SGMS2: variants seen among roughly 807,000 people sequenced by gnomAD.
SGMS2 encodes the protein sphingomyelin synthase 2.
In SGMS2, 21 loss-of-function variants were observed where a neutral mutation model predicts 43.8. That is an observed-to-expected ratio of 0.48 (90% CI 0.34 to 0.69). The LOEUF (loss-of-function observed/expected upper bound fraction) is 0.69. SGMS2 is among the 30% of genes least tolerant of loss of function. The pLI, the probability that SGMS2 is intolerant of heterozygous loss-of-function variation, is 0.01. For synonymous variants in SGMS2, 167 were observed against 160.6 expected (o/e 1.04, Z -0.30); for missense variants, 384 against 443.2 (o/e 0.87, Z 1.20).
chr4:107,903,165 C>T, intron 4 of SGMS2, 68 bp from the exon 5 acceptor site: 1 of 1,481,220 alleles, frequency 6.8e-7, no homozygotes, highest in Non-Finnish European at 9.4e-7. Context: ...CTAAGAGTCA[C>T]ACAATTAGAC....
intron 1 of SGMS2, among the ~76,000 whole-genome samples, chr4:107,850,877 T>A (rs916953883): frequency 1.3e-5 from 2 of 152,178 alleles, no homozygotes; most frequent in Non-Finnish European, 2.9e-5. Flanking sequence ...TTATTTTCCT[T>A]TATGTTGCTC....
At chr4:107,850,433 T>A (rs1727073251) in intron 1 of SGMS2, among the ~76,000 whole-genome samples, 1 of 152,206 alleles carries the variant, frequency 6.6e-6, no homozygotes, top group Non-Finnish European at 1.5e-5. Context: ...TTTGGAAAGA[T>A]AAGAATTATT....
chr4:107,889,618 G>A (rs978852208), intron 2 of SGMS2, among the ~76,000 whole-genome samples: 1 of 152,026 alleles, frequency 6.6e-6, no homozygotes, highest in Admixed American at 6.6e-5. Context: ...GCATAGACAT[G>A]TTAGGCATGC....
intron 2 of SGMS2, among the ~76,000 whole-genome samples, chr4:107,877,972 G>A (rs1291712535): frequency 7.1e-6 from 1 of 140,762 alleles, no homozygotes; most frequent in Non-Finnish European, 1.5e-5. Flanking sequence ...CTGGAGGGCA[G>A]TGGTGCAATC....
upstream of SGMS2, chr4:107,824,755 C>A (rs1725469203): frequency 3.3e-5 from 5 of 152,238 alleles, no homozygotes; most frequent in Admixed American, 2.6e-4. Flanking sequence ...AGGAGAGCCA[C>A]GGCAGCAGGA....
At chr4:107,891,457 C>G (rs974023097) in intron 2 of SGMS2, among the ~76,000 whole-genome samples, 1 of 151,910 alleles carries the variant, frequency 6.6e-6, no homozygotes. Flanking sequence ...GTTGTTGGGT[C>G]TCAGGCTGAA....
chr4:107,908,748 T>C lies in SGMS2; in HGVS notation c.894+17T>C. The C allele has an allele frequency of 6.2e-7, 1 of 1,604,550 alleles. No individual in the cohort carries two copies. Among genetic ancestry groups the C allele is most frequent in the Non-Finnish European group, 8.5e-7 (1 of 1,174,354 alleles). ...AATGAAAAGGTGAGAGCAGTGAAGA[T>C]GCTTGGATAATTTCTTTTCTTTGAA... is the stretch of plus-strand genomic sequence containing the variant. On this transcript the variant is annotated intron_variant, in intron 6 of 6. Transcript: ENST00000690982.
intron 1 of SGMS2, among the ~76,000 whole-genome samples, chr4:107,845,976 T>A (rs1430395824): frequency 1.3e-5 from 2 of 152,230 alleles, no homozygotes; most frequent in Non-Finnish European, 2.9e-5. Flanking sequence ...AACATTAAGC[T>A]GCATTTAGAA....
intron 2 of SGMS2, among the ~76,000 whole-genome samples, chr4:107,860,809 G>A (rs1239605693): frequency 6.6e-6 from 1 of 152,174 alleles, no homozygotes; most frequent in African/African-American, 2.4e-5. Flanking sequence ...ACAGGCATGA[G>A]CCACTGCACC....
In SGMS2 at chr4:107,912,421, A is replaced by G. The variant is rs1008827025; in HGVS notation, c.*1868A>G. ...ACCTGATGAGTTTAGACATAATTCTATATAATGTTCGCTTATATTCATTTA... is the reference window on the plus strand; with the variant it reads ...ACCTGATGAGTTTAGACATAATTCTGTATAATGTTCGCTTATATTCATTTA... On this transcript the variant is annotated 3_prime_UTR_variant, in exon 7 of 7. Coordinates refer to ENST00000690982, the MANE Select transcript of SGMS2 (RefSeq NM_001375905.1). 4.6e-5 allele frequency: 7 copies of G among 152,210 alleles called. 1 individual carries two copies. The highest frequency in any genetic ancestry group is 9.6e-5 in the African/African-American group (4 of 41,458). The allele number at this position is 152,210 out of a possible 1,614,324, so 9.4% of individuals were successfully genotyped here.
intron 2 of SGMS2, among the ~76,000 whole-genome samples, chr4:107,880,123 C>T (rs1357145313): frequency 6.6e-6 from 1 of 152,142 alleles, no homozygotes; most frequent in Non-Finnish European, 1.5e-5. Context: ...CCCTGAAGTT[C>T]AGAAGTACAG....
intron 2 of SGMS2, among the ~76,000 whole-genome samples, chr4:107,859,219 C>T (rs556120659): frequency 1.3e-5 from 2 of 152,126 alleles, no homozygotes; most frequent in Non-Finnish European, 2.9e-5. Flanking sequence ...TATCTCTGGG[C>T]ACCTTAAGAC....
intron 5 of SGMS2, among the ~76,000 whole-genome samples, chr4:107,906,188 TTA>T (rs1560675748): frequency 6.6e-6 from 1 of 152,158 alleles, no homozygotes; most frequent in Admixed American, 6.5e-5. Context: ...GATGTATCAT[TTA>T]TATATATATT....
chr4:107,864,926 C>G (rs1184671650), intron 2 of SGMS2, among the ~76,000 whole-genome samples: 1 of 152,026 alleles, frequency 6.6e-6, no homozygotes, highest in Admixed American at 6.6e-5. Context: ...ATAAAGAGCC[C>G]AGAGGTTTTT....
At chr4:107,892,778 T>C (rs1730339448) in intron 2 of SGMS2, among the ~76,000 whole-genome samples, 1 of 152,158 alleles carries the variant, frequency 6.6e-6, no homozygotes, top group South Asian at 2.1e-4. Flanking sequence ...CAATCAGATA[T>C]GCATTTATCT....
chr4:107,866,243 A>T (rs1364074028), intron 2 of SGMS2, among the ~76,000 whole-genome samples: 1 of 152,152 alleles, frequency 6.6e-6, no homozygotes, highest in Admixed American at 6.5e-5. Context: ...AATTATCTAC[A>T]TCAAGCTAAA....
intron 4 of SGMS2, among the ~76,000 whole-genome samples, chr4:107,900,283 G>A (rs926604847): frequency 6.6e-6 from 1 of 152,138 alleles, no homozygotes; most frequent in African/African-American, 2.4e-5. Context: ...CTAAAACATT[G>A]CTTATTCACA....
rs748726708 is a variant in SGMS2, at chr4:107,908,644, A to G, written c.807A>G (p.Ala269=). The change falls in exon 6 of 7, where the codon GCA becomes GCG. Residue 269 remains alanine (A), a synonymous_variant. Coordinates refer to ENST00000690982, the MANE Select transcript of SGMS2 (RefSeq NM_001375905.1). ...SAAGIICILV[A]HEHYTIDVII... is the part of the protein sequence containing the mutation. Reference sequence around the variant, plus strand: ...CCGGGATCATCTGCATTCTTGTAGCACACGAACACTACACTATCGATGTGA... The same window carrying G: ...CCGGGATCATCTGCATTCTTGTAGCGCACGAACACTACACTATCGATGTGA... 4.3e-6 allele frequency: 7 copies of G among 1,614,040 alleles called. No individual in the cohort carries two copies. Among genetic ancestry groups the G allele is most frequent in the Non-Finnish European group, 5.9e-6 (7 of 1,179,964 alleles).
chr4:107,863,760 A>C (rs1308427090), intron 2 of SGMS2: 1 of 152,238 alleles, frequency 6.6e-6, no homozygotes, highest in Non-Finnish European at 1.5e-5. Flanking sequence ...AGATATAATA[A>C]AAATGCAGTC....
Sources: allele counts gnomAD v4.1 joint callset (sites outside exome capture counted in the v4.1 genomes callset), GRCh38; gene constraint gnomAD v4.1.1; transcripts MANE v1.5; gene names NCBI Gene and HGNC (gene_info 2026-07-23, HGNC 2026-07-21).